Variants in NIBAN1 observed in about 807,000 individuals in gnomAD.
NIBAN1 encodes protein Niban 1.
A neutral mutation model predicts 75.1 loss-of-function variants in NIBAN1; 81 were observed. The observed-to-expected ratio is 1.08, with a 90% confidence interval of 0.90 to 1.30. The LOEUF is 1.30. Among genes scored for constraint, NIBAN1 ranks in the 50% most tolerant of loss-of-function variants. NIBAN1 has a pLI of 0.00. For missense variants in NIBAN1, 1,133 were observed against 1,128.1 expected, an observed-to-expected ratio of 1.00 and a Z score of -0.06; for synonymous variants, 436 against 424.8, an observed-to-expected ratio of 1.03 and a Z score of -0.32.
chr1:184,898,989 A>G (rs896417794), intron 2 of NIBAN1, among the ~76,000 whole-genome samples, 190 bp downstream of exon 2: 3 of 152,224 alleles, frequency 2.0e-5, no homozygotes, highest in Non-Finnish European at 2.9e-5. Context: ...TCCTTTTTCT[A>G]TGGATTATAT....
chr1:184,923,441 A>G (rs1657609019), intron 1 of NIBAN1, among the ~76,000 whole-genome samples: 1 of 152,106 alleles, frequency 6.6e-6, no homozygotes, highest in Non-Finnish European at 1.5e-5. Context: ...TTTTATGCCA[A>G]CACCATGCTG....
chr1:184,892,523 T>A (rs1478953275), intron 3 of NIBAN1, among the ~76,000 whole-genome samples: 1 of 152,202 alleles, frequency 6.6e-6, no homozygotes, highest in African/African-American at 2.4e-5. Flanking sequence ...TGAGTACAAA[T>A]TAAGTGTTGA....
chr1:184,818,578 C>A, intron 9 of NIBAN1, 60 bp downstream of exon 9: 4 of 1,436,376 alleles, frequency 2.8e-6, no homozygotes, highest in South Asian at 1.5e-5. Context: ...CAGATAAAGC[C>A]CCATGGAAAA....
chr1:184,877,720 C>T (rs1015444318), intron 5 of NIBAN1, among the ~76,000 whole-genome samples: 1 of 152,120 alleles, frequency 6.6e-6, no homozygotes, highest in Non-Finnish European at 1.5e-5. Context: ...CATATTAAAA[C>T]AGCCATTGCA....
chr1:184,902,077 G>A (rs1656970589), intron 1 of NIBAN1, among the ~76,000 whole-genome samples: 1 of 152,066 alleles, frequency 6.6e-6, no homozygotes, highest in Non-Finnish European at 1.5e-5. Context: ...CTGGTGTTGA[G>A]GCAGGGGACG....
In NIBAN1 at chr1:184,965,369, C is replaced by T. The variant is rs543081173; in HGVS notation, c.55+8933G>A. Among the ~76,000 whole-genome samples the T allele has an allele frequency of 2.6e-5, 4 of 151,762 alleles. No individual in the cohort carries two copies. The East Asian group carries it at 5.8e-4, about 22-fold the overall frequency. Reference sequence around the variant, plus strand: ...CAAAAGGATTGATTCTTTTCTGTGGCGGCATAGTATTCCAAGGTGTATATG... The same window carrying T: ...CAAAAGGATTGATTCTTTTCTGTGGTGGCATAGTATTCCAAGGTGTATATG... On this transcript the variant is annotated intron_variant, in intron 1 of 13. Transcript: ENST00000367511.
chr1:184,884,996 G>C (rs1409679956), intron 4 of NIBAN1, among the ~76,000 whole-genome samples, 196 bp from the exon 5 acceptor site: 1 of 152,144 alleles, frequency 6.6e-6, no homozygotes, highest in Non-Finnish European at 1.5e-5. Context: ...TCCCACTGCG[G>C]TCTGCCTGGC....
rs756933296 is a variant in NIBAN1 at position 184,808,109 on chromosome 1, G to A, written c.1300C>T (p.Leu434=). Residue 434 remains leucine (L), a synonymous_variant, in exon 10 of 14, where the codon CTG becomes TTG. Coordinates refer to ENST00000367511, the MANE Select transcript of NIBAN1 (RefSeq NM_052966.4). ...TAGTTCTGTGTCCTCTGAACCACCA[G>A]ATCAATGTGGGGGAATCTGAAGCGG... The part of the protein sequence containing the change: ...KSRFRFPHID[L]VVQRTQNYMQ... The A allele has an allele frequency of 1.9e-6, 3 of 1,613,902 alleles. No homozygotes were observed. The highest frequency in any genetic ancestry group is 1.3e-5 in the African/African-American group (1 of 74,886).
Position 184,899,278 on chromosome 1 carries a change from A to G in NIBAN1, c.87T>C (p.Ser29=). ...CAGAGTACTGACGACTGTAGTAGGG[A>G]CTGAAGTTTTTGATGGCAGCCTCAG... ...GKTEAAIKNF[S]PYYSRQYSVA... The change falls in exon 2 of 14, where the codon AGT becomes AGC. Residue 29 remains serine (S), a synonymous_variant. Transcript: ENST00000367511. The G allele has an allele frequency of 6.2e-7, 1 of 1,613,872 alleles. No homozygotes were observed. Among genetic ancestry groups the G allele is most frequent in the East Asian group, 2.2e-5 (1 of 44,862 alleles).
rs985175468 is a variant in NIBAN1 at position 184,870,496 on chromosome 1, C to T, written c.601+14137G>A. Reference sequence around the variant, plus strand: ...CTCTACAACTCGAAAAAGTTCTGAACGTCAGGTTTAGCTTTTGAGTCATTT... The same window carrying T: ...CTCTACAACTCGAAAAAGTTCTGAATGTCAGGTTTAGCTTTTGAGTCATTT... On this transcript the variant is annotated intron_variant, in intron 5 of 13. Transcript: ENST00000367511. 5.3e-5 allele frequency among the ~76,000 whole-genome samples: 8 copies of T among 152,066 alleles called. No individual in the cohort carries two copies. The East Asian group carries it at 9.7e-4, about 18-fold the overall frequency.
intron 1 of NIBAN1, 50 bp from the exon 2 acceptor site, chr1:184,899,359 C>A: frequency 6.3e-7 from 1 of 1,593,040 alleles, no homozygotes; most frequent in Non-Finnish European, 8.6e-7. Context: ...AGAATATACA[C>A]CTATCTACAG....
intron 1 of NIBAN1, among the ~76,000 whole-genome samples, chr1:184,941,207 C>G (rs1044359037): frequency 6.6e-6 from 1 of 152,192 alleles, no homozygotes; most frequent in African/African-American, 2.4e-5. Context: ...TCCTTTCCCT[C>G]TCAACTCTAA....
At chr1:184,962,412 G>T (rs1246504250) in intron 1 of NIBAN1, among the ~76,000 whole-genome samples, 1 of 152,056 alleles carries the variant, frequency 6.6e-6, no homozygotes, top group African/African-American at 2.4e-5. Flanking sequence ...TCTCAGTGTG[G>T]AAAAGGATAT....
intron 1 of NIBAN1, among the ~76,000 whole-genome samples, chr1:184,926,952 A>C (rs1015667865): frequency 2.6e-5 from 4 of 152,120 alleles, no homozygotes; most frequent in Non-Finnish European, 5.9e-5. Flanking sequence ...ACTTTGATGC[A>C]TTCTTCAGTA....
chr1:184,819,884 G>T (rs1051341549), intron 8 of NIBAN1, among the ~76,000 whole-genome samples: 17 of 152,168 alleles, frequency 1.1e-4, no homozygotes, highest in African/African-American at 3.9e-4. Context: ...AGTTCTTCTT[G>T]GGAATTTGCT....
chr1:184,827,698 C>G (rs189130815), intron 6 of NIBAN1, among the ~76,000 whole-genome samples: 1 of 151,606 alleles, frequency 6.6e-6, no homozygotes, highest in Non-Finnish European at 1.5e-5. Context: ...CCAACAAACC[C>G]GGGATCGCCC....
Position 184,792,526 on chromosome 1 carries a change from G to A in NIBAN1, c.*2451C>T, listed in dbSNP as rs116051722. ...GGACTCCACACTACTGTCCCAGGGA[G>A]TCGGGCAGCCTTTGTGGGGCTGGGC... On this transcript the variant is annotated 3_prime_UTR_variant, in exon 14 of 14. Transcript: ENST00000367511. 1,740 of 152,878 alleles carry A rather than the reference G, an allele frequency of 0.011. 29 individuals carry two copies. Among genetic ancestry groups the A allele is most frequent in the East Asian group, 0.056 (291 of 5,176 alleles). 9.5% of individuals were successfully genotyped at this position (152,878 alleles called of 1,614,324 possible). A position where few individuals can be genotyped will look rare whatever the true frequency, so the allele number is the denominator to read the frequency against.
chr1:184,955,933 A>C (rs1658478483), intron 1 of NIBAN1, among the ~76,000 whole-genome samples: 1 of 152,082 alleles, frequency 6.6e-6, no homozygotes, highest in South Asian at 2.1e-4. Context: ...ATCTGCCCTT[A>C]TCTGCAGATG....
chr1:184,914,992 G>A (rs1490469224), intron 1 of NIBAN1, among the ~76,000 whole-genome samples: 2 of 152,148 alleles, frequency 1.3e-5, no homozygotes, highest in Non-Finnish European at 1.5e-5. Flanking sequence ...CAAGTGCTGG[G>A]ATTACAGGCG....
Sources: gnomAD v4.1 joint callset for allele counts (sites outside exome capture counted in the v4.1 genomes callset) on GRCh38, gnomAD v4.1.1 for gene constraint, MANE v1.5 for transcripts, NCBI Gene and HGNC (gene_info 2026-07-23, HGNC 2026-07-21) for gene names.